The following ESYT2 variants were observed in gnomAD, a reference collection of about 807,000 sequenced individuals.
The protein encoded by ESYT2 is extended synaptotagmin 2.
In ESYT2, 54 loss-of-function variants were observed where a neutral mutation model predicts 107.2. The ratio of observed to expected loss-of-function variants is 0.50; its 90% CI spans 0.40 to 0.63. ESYT2 has a LOEUF of 0.63. ESYT2 is among the 30% of genes least tolerant of loss of function. ESYT2 has a pLI of 0.00. For missense variants in ESYT2, 1,020 were observed against 1,094.5 expected, an observed-to-expected ratio of 0.93 and a Z score of 0.96; for synonymous variants, 491 against 434.1, an observed-to-expected ratio of 1.13 and a Z score of -1.63.
At chr7:158,828,896 T>G (rs1169927167) in intron 1 of ESYT2, among the ~76,000 whole-genome samples, 193 bp downstream of exon 1, 2 of 139,518 alleles carry the variant, frequency 1.4e-5, no homozygotes, top group Admixed American at 1.4e-4. Flanking sequence ...GGCTGGGGTC[T>G]GCACTCGCCC....
intron 1 of ESYT2, among the ~76,000 whole-genome samples, chr7:158,805,694 A>ATTT (rs1291896160): frequency 6.6e-6 from 1 of 152,236 alleles, no homozygotes; most frequent in Non-Finnish European, 1.5e-5. Context: ...ACACTGCTTA[A>ATTT]AAATCCATCT....
intron 1 of ESYT2, among the ~76,000 whole-genome samples, chr7:158,815,216 G>A (rs953373149): frequency 6.6e-6 from 1 of 152,118 alleles, no homozygotes; most frequent in African/African-American, 2.4e-5. Flanking sequence ...ACGGTCTTCC[G>A]CCTCTCGCTT....
At chr7:158,802,293 ATT>A (rs113165168) in intron 1 of ESYT2, among the ~76,000 whole-genome samples, 1 of 149,440 alleles carries the variant, frequency 6.7e-6, no homozygotes, top group African/African-American at 2.4e-5. Context: ...CGATATAAGC[ATT>A]TTTTTTTTTG....
At chr7:158,828,351 G>A (rs1461165943) in intron 1 of ESYT2, among the ~76,000 whole-genome samples, 1 of 152,246 alleles carries the variant, frequency 6.6e-6, no homozygotes, top group African/African-American at 2.4e-5. Flanking sequence ...TTGGGAATGC[G>A]CACGAGAATC....
At chr7:158,826,891 G>A (rs1212547676) in intron 1 of ESYT2, among the ~76,000 whole-genome samples, 2 of 151,702 alleles carry the variant, frequency 1.3e-5, no homozygotes, top group South Asian at 2.1e-4. Flanking sequence ...GTGGCCGGGC[G>A]CGGTGGCTCA....
intron 7 of ESYT2, among the ~76,000 whole-genome samples, chr7:158,772,894 T>TA (rs3033501): frequency 0.032 from 4,568 of 141,878 alleles, 227 homozygotes; most frequent in East Asian, 0.12. Flanking sequence ...GAATAAAAGT[T>TA]AAAAAAAAAA....
At chr7:158,829,052 T>G (rs1464623854) in intron 1 of ESYT2, 37 bp downstream of exon 1, 1 of 1,552,366 alleles carries the variant, frequency 6.4e-7, no homozygotes, top group South Asian at 1.1e-5. Context: ...TCGGGACTGG[T>G]GGTCAGGGGT....
intron 1 of ESYT2, among the ~76,000 whole-genome samples, chr7:158,824,618 T>C (rs1563044183): frequency 1.3e-5 from 2 of 152,266 alleles, no homozygotes; most frequent in Non-Finnish European, 2.9e-5. Context: ...CCAAGGAAGC[T>C]AATATGCTTT....
At chr7:158,782,309 TGTGA>T (rs1838895224) in intron 6 of ESYT2, among the ~76,000 whole-genome samples, 2 of 148,210 alleles carry the variant, frequency 1.3e-5, no homozygotes, top group South Asian at 4.3e-4. Flanking sequence ...AGTGAACAAG[TGTGA>T]GTGAACGAGT....
At chr7:158,785,459 A>C (rs1337998642) in intron 6 of ESYT2, among the ~76,000 whole-genome samples, 3,642 of 151,736 alleles carry the variant, frequency 0.024, 144 homozygotes, top group African/African-American at 0.084. Context: ...ATAAATAAAT[A>C]AATAAATAAA....
At chr7:158,788,831 C>A (rs1839192069) in intron 4 of ESYT2, among the ~76,000 whole-genome samples, 1 of 152,172 alleles carries the variant, frequency 6.6e-6, no homozygotes, top group Admixed American at 6.5e-5. Flanking sequence ...AATTTTATTT[C>A]ACACAAATAA....
intron 1 of ESYT2, among the ~76,000 whole-genome samples, chr7:158,813,357 C>G (rs150095068): frequency 3.8e-4 from 58 of 152,308 alleles, no homozygotes; most frequent in African/African-American, 1.3e-3. Flanking sequence ...ATCCATTTGT[C>G]AAGATCCACG....
intron 7 of ESYT2, among the ~76,000 whole-genome samples, chr7:158,768,767 C>T (rs559481366): frequency 2.9e-4 from 44 of 152,316 alleles, no homozygotes; most frequent in African/African-American, 1.0e-3. Flanking sequence ...GTGCCTTACG[C>T]CTGTAATCCC....
At chr7:158,760,846 G>C (rs1039019464) in intron 11 of ESYT2, among the ~76,000 whole-genome samples, 5 of 152,156 alleles carry the variant, frequency 3.3e-5, no homozygotes, top group African/African-American at 7.2e-5. Context: ...TCCAGTGCCT[G>C]GCACACCCAG....
At chr7:158,805,125 GGCT>G (rs1839788010) in intron 1 of ESYT2, among the ~76,000 whole-genome samples, 1 of 152,094 alleles carries the variant, frequency 6.6e-6, no homozygotes, top group African/African-American at 2.4e-5. Flanking sequence ...CCCACAGCTG[GGCT>G]GCTGAACTTA....
chr7:158,799,365 T>C (rs186453567), intron 1 of ESYT2, among the ~76,000 whole-genome samples: 1 of 152,192 alleles, frequency 6.6e-6, no homozygotes, highest in Non-Finnish European at 1.5e-5. Context: ...ATCTGAAACA[T>C]CATAAATTAT....
chr7:158,763,007 A>G (rs1838026639), intron 10 of ESYT2, 76 bp downstream of exon 10: 2 of 993,884 alleles, frequency 2.0e-6, no homozygotes, highest in Non-Finnish European at 3.0e-6. Context: ...AATGTATTTT[A>G]AAACATACTT....
chr7:158,745,084 A>G (rs1392446819), intron 16 of ESYT2, among the ~76,000 whole-genome samples: 2 of 152,358 alleles, frequency 1.3e-5, no homozygotes, highest in East Asian at 1.9e-4. Flanking sequence ...TTGCAGTTTC[A>G]ATGGCAAAAA....
chr7:158,803,843 GTCGAGAAGGGTGAGGCGCGCGACAAA>G (rs1563030962), intron 1 of ESYT2, among the ~76,000 whole-genome samples: 3 of 118,382 alleles, frequency 2.5e-5, no homozygotes, highest in African/African-American at 6.9e-5. Context: ...AACCCAAACC[GTCGAGAAGGGTGAGGCGCGCGACAAA>G]CCCAAACCAC....
Sources: gnomAD v4.1 joint callset for allele counts (sites outside exome capture counted in the v4.1 genomes callset) on GRCh38, gnomAD v4.1.1 for gene constraint, MANE v1.5 for transcripts, NCBI Gene and HGNC (gene_info 2026-07-23, HGNC 2026-07-21) for gene names.